EXOC6: variants seen among roughly 807,000 people sequenced by gnomAD.
EXOC6 encodes the protein exocyst complex component 6, also known as SEC15-like 1.
In EXOC6, 60 loss-of-function variants were observed where a neutral mutation model predicts 112.5. The ratio of observed to expected loss-of-function variants is 0.53; its 90% CI spans 0.43 to 0.66. The LOEUF (loss-of-function observed/expected upper bound fraction) is 0.66, where lower values mean the gene tolerates loss of function less well. Ranked by LOEUF, EXOC6 falls within the 30% of genes least tolerant of loss-of-function variation. The pLI, the probability that EXOC6 is intolerant of heterozygous loss-of-function variation, is 0.00. For missense variants in EXOC6, 855 were observed against 957.1 expected (o/e 0.89, Z 1.41); for synonymous variants, 295 against 308.0 (o/e 0.96, Z 0.44).
chr10:92,850,354 C>T (rs932502728), intron 1 of EXOC6, among the ~76,000 whole-genome samples: 1 of 152,222 alleles, frequency 6.6e-6, no homozygotes, highest in South Asian at 2.1e-4. Flanking sequence ...TTTGTTTGAA[C>T]CCACTCTCTT....
intron 20 of EXOC6, among the ~76,000 whole-genome samples, chr10:93,045,925 AAATC>A (rs1337222383): frequency 6.6e-6 from 1 of 152,254 alleles, no homozygotes; most frequent in Non-Finnish European, 1.5e-5. Flanking sequence ...GGCACAAATT[AAATC>A]AATCAATAAA....
intron 16 of EXOC6, among the ~76,000 whole-genome samples, chr10:92,955,031 A>G (rs1157058025): frequency 1.3e-5 from 2 of 152,090 alleles, no homozygotes; most frequent in Non-Finnish European, 2.9e-5. Flanking sequence ...GTTTCTACAA[A>G]AAATGAAGAC....
At chr10:92,879,413 G>A (rs1166107653) in intron 1 of EXOC6, among the ~76,000 whole-genome samples, 1 of 152,164 alleles carries the variant, frequency 6.6e-6, no homozygotes, top group Non-Finnish European at 1.5e-5. Flanking sequence ...CCTGTAGTGA[G>A]CTGTGATCAC....
intron 1 of EXOC6, among the ~76,000 whole-genome samples, chr10:92,828,290 G>A (rs918496891): frequency 2.6e-5 from 4 of 152,202 alleles, no homozygotes; most frequent in Non-Finnish European, 1.5e-5. Context: ...CCTGAGATGA[G>A]GTGGTCAATG....
At chr10:92,831,402 T>A, upstream of EXOC6, 1 of 1,126,806 alleles carries the variant, frequency 8.9e-7, no homozygotes, top group Non-Finnish European at 1.2e-6. Context: ...TACTTTAGAG[T>A]ATAGTATTCT....
intron 20 of EXOC6, among the ~76,000 whole-genome samples, chr10:93,052,225 T>C (rs1273759130): frequency 6.6e-6 from 1 of 152,242 alleles, no homozygotes; most frequent in Non-Finnish European, 1.5e-5. Flanking sequence ...TAGAATAGTT[T>C]TAAGTCTGCC....
At chr10:92,945,807 C>G (rs1469627473) in intron 13 of EXOC6, among the ~76,000 whole-genome samples, 2 of 152,190 alleles carry the variant, frequency 1.3e-5, no homozygotes, top group African/African-American at 2.4e-5. Flanking sequence ...CCAAAGATTA[C>G]AGGTGTGAGC....
intron 18 of EXOC6, among the ~76,000 whole-genome samples, chr10:92,985,654 C>A (rs1053090666): frequency 6.6e-6 from 1 of 152,132 alleles, no homozygotes; most frequent in Admixed American, 6.5e-5. Context: ...TTCTTTCAGA[C>A]AAATGTAACG....
intron 17 of EXOC6, among the ~76,000 whole-genome samples, chr10:92,963,636 T>C (rs76545356): frequency 0.011 from 1,623 of 151,798 alleles, 35 homozygotes; most frequent in African/African-American, 0.037. Flanking sequence ...TACAGTTGCG[T>C]ACCATCTTAC....
upstream of EXOC6, among the ~76,000 whole-genome samples, chr10:92,844,385 A>G (rs1340951512): frequency 6.6e-6 from 1 of 152,162 alleles, no homozygotes; most frequent in Non-Finnish European, 1.5e-5. Flanking sequence ...GCTTCCAAGG[A>G]TGAGTGAGCA....
chr10:92,921,192 T>G (rs1851418143), intron 8 of EXOC6, among the ~76,000 whole-genome samples: 1 of 152,104 alleles, frequency 6.6e-6, no homozygotes, highest in Non-Finnish European at 1.5e-5. Context: ...AGTACTGTCT[T>G]GTGCATTAAA....
chr10:92,893,549 T>C (rs1849608786), intron 2 of EXOC6, 29 bp downstream of exon 2: 1 of 1,559,036 alleles, frequency 6.4e-7, no homozygotes, highest in Non-Finnish European at 8.7e-7. Flanking sequence ...TTATTTGCCT[T>C]TGTTCTCATT....
chr10:92,916,069 C>A (rs553199737), intron 7 of EXOC6, 156 bp downstream of exon 7: 3 of 509,526 alleles, frequency 5.9e-6, no homozygotes, highest in Non-Finnish European at 1.0e-5. Context: ...CAAACTTTGA[C>A]AAAATGGAGG....
intron 20 of EXOC6, among the ~76,000 whole-genome samples, chr10:93,029,456 G>A (rs1845175528): frequency 6.6e-6 from 1 of 152,052 alleles, no homozygotes; most frequent in Admixed American, 6.5e-5. Flanking sequence ...ATAACCTGCC[G>A]AGATTTGAGG....
upstream of EXOC6, among the ~76,000 whole-genome samples, chr10:92,843,976 C>CAAA (rs34641974): frequency 9.9e-3 from 373 of 37,568 alleles, 5 homozygotes; most frequent in Non-Finnish European, 0.012. Flanking sequence ...GACTCTGTCT[C>CAAA]AAAAAAAAAA....
rs542356121 is a variant in EXOC6 at position 92,990,319 on chromosome 10, A to G, written c.1954-7155A>G. 2.0e-4 allele frequency among the ~76,000 whole-genome samples: 31 copies of G among 152,332 alleles called. No individual in the cohort carries two copies. In the South Asian group the frequency reaches 5.6e-3, roughly 28 times the overall value. On this transcript the variant is annotated intron_variant, in intron 18 of 21. Coordinates refer to ENST00000260762, the MANE Select transcript of EXOC6 (RefSeq NM_019053.6). The stretch of plus-strand genomic sequence containing the variant: ...ATCTTGGTGAGAAATTTAATTTCAT[A>G]AATTATAAGTCTTAAGTTTGTATAT...
intron 20 of EXOC6, among the ~76,000 whole-genome samples, chr10:93,015,367 A>C (rs1844451590): frequency 2.6e-5 from 4 of 152,254 alleles, no homozygotes; most frequent in Admixed American, 2.6e-4. Context: ...ATAAATATAA[A>C]AGTAATATAA....
At chr10:93,055,561 A>G (rs889161800) in intron 20 of EXOC6, among the ~76,000 whole-genome samples, 9 of 152,222 alleles carry the variant, frequency 5.9e-5, no homozygotes, top group Non-Finnish European at 1.2e-4. Context: ...TATGAAAGTA[A>G]CTTTTCCTCT....
At chr10:92,990,778 C>A (rs1176467465) in intron 18 of EXOC6, among the ~76,000 whole-genome samples, 1 of 152,118 alleles carries the variant, frequency 6.6e-6, no homozygotes, top group East Asian at 1.9e-4. Context: ...TCTCCCTCCC[C>A]CAACCCCAGG....
Sources: gnomAD v4.1 joint callset for allele counts (sites outside exome capture counted in the v4.1 genomes callset) on GRCh38, gnomAD v4.1.1 for gene constraint, MANE v1.5 for transcripts, NCBI Gene and HGNC (gene_info 2026-07-23, HGNC 2026-07-21) for gene names.